The following SLC41A3 variants were observed in gnomAD, a reference collection of about 807,000 sequenced individuals.
SLC41A3 encodes the protein SLC41A1-like 2.
Under a neutral mutation model 45.4 loss-of-function variants are expected in SLC41A3, and 44 were observed. That is an observed-to-expected ratio of 0.97 (90% CI 0.76 to 1.25). The LOEUF is 1.25. Among genes scored for constraint, SLC41A3 ranks in the 50% most tolerant of loss-of-function variants. The pLI is 0.00. For synonymous variants in SLC41A3, 256 were observed against 252.4 expected (o/e 1.01, Z -0.13); for missense variants, 550 against 600.6 (o/e 0.92, Z 0.88).
At chr3:126,057,622 C>T (rs921375264) in intron 2 of SLC41A3, among the ~76,000 whole-genome samples, 3 of 152,206 alleles carry the variant, frequency 2.0e-5, no homozygotes, top group Non-Finnish European at 4.4e-5. Flanking sequence ...TCGGACTATC[C>T]CAGGCTTAAG....
intron 2 of SLC41A3, 119 bp from the exon 3 acceptor site, chr3:126,051,169 T>C (rs1368468870): frequency 8.6e-7 from 1 of 1,164,048 alleles, no homozygotes; most frequent in Admixed American, 3.3e-5. Flanking sequence ...CAAATAGGAC[T>C]AAGTACTTTC....
At chr3:126,094,925 A>G (rs1160409565) in intron 1 of SLC41A3, among the ~76,000 whole-genome samples, 1 of 152,246 alleles carries the variant, frequency 6.6e-6, no homozygotes, top group South Asian at 2.1e-4. Context: ...TTTCATACAG[A>G]TGAACAATTG....
chr3:126,095,105 T>G (rs370821259), intron 1 of SLC41A3: 6 of 582,924 alleles, frequency 1.0e-5, no homozygotes, highest in South Asian at 6.6e-5. Flanking sequence ...GAACAACTGA[T>G]TTGGTGGTGA....
rs1381936548 is a variant in SLC41A3, at chr3:126,008,798, C to T, written c.1188G>A (p.Val396=). 9.3e-6 allele frequency: 15 copies of T among 1,614,146 alleles called. No individual in the cohort carries two copies. Among genetic ancestry groups the T allele is most frequent in the Non-Finnish European group, 1.3e-5 (15 of 1,180,014 alleles). Residue 396 remains valine, a synonymous_variant, in exon 10 of 11, where the codon GTG becomes GTA. Coordinates refer to ENST00000360370, the MANE Select transcript of SLC41A3 (RefSeq NM_017836.4). ...HLIFFYIIYL[V]EGQSVINSQT... ...GGCTGTTTATGACTGACTGACCCTC[C>T]ACCAGGTAGATGATGTAGAAGAAAA...
chr3:126,067,818 A>AT, intron 2 of SLC41A3, 129 bp downstream of exon 2: 1 of 1,051,160 alleles, frequency 9.5e-7, no homozygotes, highest in Non-Finnish European at 1.3e-6. Context: ...CCCAATATAT[A>AT]GAAAAAAAAA....
intron 6 of SLC41A3, among the ~76,000 whole-genome samples, chr3:126,022,237 G>A (rs1940949904): frequency 6.6e-6 from 1 of 152,224 alleles, no homozygotes; most frequent in South Asian, 2.1e-4. Flanking sequence ...CAGATAGCTG[G>A]ACTCACCGCT....
At chr3:126,095,371 G>A (rs1945578087) in intron 1 of SLC41A3, 2 of 521,020 alleles carry the variant, frequency 3.8e-6, no homozygotes, top group Non-Finnish European at 6.7e-6. Flanking sequence ...ACCCACCGGA[G>A]GACAGATCAA....
At chr3:126,038,842 G>C (rs1942385115) in intron 3 of SLC41A3, among the ~76,000 whole-genome samples, 2 of 152,200 alleles carry the variant, frequency 1.3e-5, no homozygotes, top group Admixed American at 1.3e-4. Context: ...ATCTCATGTT[G>C]AAATGTGATC....
chr3:126,031,579 T>A (rs2333407), intron 4 of SLC41A3, among the ~76,000 whole-genome samples: 33,173 of 152,166 alleles, frequency 0.22, 4,063 homozygotes, highest in Non-Finnish European at 0.27. Context: ...TGAATAAAAC[T>A]TATTGCACTG....
At chr3:126,032,959 C>G (rs1303640184) in intron 4 of SLC41A3, among the ~76,000 whole-genome samples, 1 of 152,190 alleles carries the variant, frequency 6.6e-6, no homozygotes, top group Admixed American at 6.5e-5. Flanking sequence ...CTCCTCTTGC[C>G]TCTGAGCCAA....
chr3:126,056,439 G>A (rs1392694147), intron 2 of SLC41A3: 1 of 1,614,176 alleles, frequency 6.2e-7, no homozygotes, highest in Non-Finnish European at 8.5e-7. Flanking sequence ...GGCACATGAT[G>A]GTGAAGAAAG....
chr3:126,075,563 T>C (rs1944843491), intron 1 of SLC41A3, among the ~76,000 whole-genome samples: 1 of 149,742 alleles, frequency 6.7e-6, no homozygotes, highest in Admixed American at 6.7e-5. Flanking sequence ...AAAAAAAGAA[T>C]GAAGTTGGAG....
intron 3 of SLC41A3, among the ~76,000 whole-genome samples, chr3:126,046,356 T>TACACACACAC (rs66615933): frequency 3.3e-5 from 5 of 150,658 alleles, no homozygotes; most frequent in South Asian, 4.2e-4. Context: ...CTCTAAAGAT[T>TACACACACAC]ACACACACAC....
intron 1 of SLC41A3, chr3:126,073,083 A>C (rs1944703400): frequency 6.6e-6 from 1 of 152,222 alleles, no homozygotes; most frequent in Admixed American, 6.5e-5. Context: ...CATATAAAGA[A>C]GGGAACAACA....
chr3:126,071,180 A>G (rs1489322075), intron 1 of SLC41A3, among the ~76,000 whole-genome samples: 1 of 152,242 alleles, frequency 6.6e-6, no homozygotes, highest in Non-Finnish European at 1.5e-5. Context: ...ATAAATGGAT[A>G]GGTTGGAAGT....
chr3:126,088,124 T>C (rs138317893), upstream of SLC41A3, among the ~76,000 whole-genome samples: 1 of 152,202 alleles, frequency 6.6e-6, no homozygotes, highest in East Asian at 1.9e-4. Flanking sequence ...ATTAACAAAA[T>C]TATCTGAAGG....
intron 3 of SLC41A3, among the ~76,000 whole-genome samples, chr3:126,038,546 G>A (rs1321935092): frequency 6.6e-6 from 1 of 152,174 alleles, no homozygotes; most frequent in Non-Finnish European, 1.5e-5. Context: ...GACTTGCATG[G>A]GGCCTGTTGT....
chr3:126,035,933 A>G (rs1942155771), intron 3 of SLC41A3, among the ~76,000 whole-genome samples: 1 of 152,186 alleles, frequency 6.6e-6, no homozygotes, highest in Non-Finnish European at 1.5e-5. Context: ...AGCTGCAGGC[A>G]TGGGGCCAGT....
chr3:126,074,263 A>C (rs1944769426), intron 1 of SLC41A3, among the ~76,000 whole-genome samples: 1 of 151,864 alleles, frequency 6.6e-6, no homozygotes, highest in South Asian at 2.1e-4. Context: ...AGGATATTTG[A>C]TAATGATAAG....
Sources: gnomAD v4.1 joint callset for allele counts (sites outside exome capture counted in the v4.1 genomes callset) on GRCh38, gnomAD v4.1.1 for gene constraint, MANE v1.5 for transcripts, NCBI Gene and HGNC (gene_info 2026-07-23, HGNC 2026-07-21) for gene names.